The following MGAT4D variants were observed in gnomAD, a reference collection of about 807,000 sequenced individuals.
MGAT4D encodes MGAT4 family member D, also known as alpha-1,3-mannosyl-glycoprotein 4-beta-N-acetylglucosaminyltransferase-like protein MGAT4D.
In MGAT4D, 34 loss-of-function variants were observed where a neutral mutation model predicts 15.9. The observed-to-expected ratio is 2.14, with a 90% CI of 1.62 to 2.84. MGAT4D has a LOEUF of 2.84. Among genes scored for constraint, MGAT4D ranks in the 30% most tolerant of loss-of-function variants. The pLI, the probability that MGAT4D is intolerant of heterozygous loss-of-function variation, is 0.00. For missense variants in MGAT4D, 327 were observed against 140.2 expected (o/e 2.33, Z -6.73); for synonymous variants, 112 against 48.2 (o/e 2.33, Z -5.49).
intron 9 of MGAT4D, among the ~76,000 whole-genome samples, chr4:140,455,261 T>C (rs1031772680): frequency 6.6e-6 from 1 of 152,190 alleles, no homozygotes; most frequent in Non-Finnish European, 1.5e-5. Flanking sequence ...TCCAGAAGCG[T>C]TGTAACACTG....
At chr4:140,464,365 C>T (rs1175152395) in intron 6 of MGAT4D, among the ~76,000 whole-genome samples, 1 of 152,072 alleles carries the variant, frequency 6.6e-6, no homozygotes, top group East Asian at 1.9e-4. Context: ...AAGATTCTTT[C>T]ACAAATGTAT....
intron 2 of MGAT4D, among the ~76,000 whole-genome samples, chr4:140,480,888 A>G (rs1327857304): frequency 1.3e-5 from 2 of 149,960 alleles, no homozygotes; most frequent in Non-Finnish European, 3.0e-5. Flanking sequence ...GTGAGCCATG[A>G]TTGTGCCATT....
intron 7 of MGAT4D, 122 bp downstream of exon 7, chr4:140,461,807 G>T (rs1216275897): frequency 6.9e-6 from 3 of 431,878 alleles, no homozygotes; most frequent in Non-Finnish European, 1.2e-5. Flanking sequence ...TGAGGAAGAA[G>T]AAATTATAGG....
chr4:140,498,234 G>A lies in MGAT4D; in HGVS notation c.-12C>T, dbSNP rs1487086929. 1.0e-5 allele frequency: 7 copies of A among 701,690 alleles called. No individual in the cohort carries two copies. In the East Asian group the frequency reaches 1.6e-4, roughly 16 times the overall value. 43.5% of individuals were successfully genotyped at this position (701,690 alleles called of 1,614,324 possible). ...TGCTTGGTCCTCATGGCCCTGGCCAGGCTGCGGGAGGCCGGCGGGTGGAGG... is the reference window on the plus strand; with the variant it reads ...TGCTTGGTCCTCATGGCCCTGGCCAAGCTGCGGGAGGCCGGCGGGTGGAGG... On this transcript the variant is annotated 5_prime_UTR_variant, in exon 1 of 11. Transcript: ENST00000511113.
intron 9 of MGAT4D, among the ~76,000 whole-genome samples, chr4:140,453,389 A>G (rs1176692768): frequency 6.6e-6 from 1 of 152,102 alleles, no homozygotes; most frequent in Non-Finnish European, 1.5e-5. Context: ...ATCTATGATC[A>G]TGGTATGTCT....
intron 1 of MGAT4D, among the ~76,000 whole-genome samples, chr4:140,486,732 A>G (rs1477693575): frequency 6.6e-6 from 1 of 152,240 alleles, no homozygotes; most frequent in South Asian, 2.1e-4. Flanking sequence ...AAATAATGAA[A>G]TGAATGGACT....
chr4:140,446,423 C>A (rs1490500632), intron 10 of MGAT4D, among the ~76,000 whole-genome samples: 2 of 152,144 alleles, frequency 1.3e-5, no homozygotes, highest in Non-Finnish European at 2.9e-5. Flanking sequence ...AGGAATTTAT[C>A]CACTTCCTCT....
chr4:140,498,284 T>C lies in MGAT4D; in HGVS notation c.-62A>G. Reference sequence around the variant, plus strand: ...GCGGCGGATAATGCCAGGGACGGGGTTGAGCGCGCAGAGCCCCCTCCCCGC... The same window carrying C: ...GCGGCGGATAATGCCAGGGACGGGGCTGAGCGCGCAGAGCCCCCTCCCCGC... On this transcript the variant is annotated 5_prime_UTR_variant, in exon 1 of 11. Transcript: ENST00000511113. 3 of 691,282 alleles carry C rather than the reference T, an allele frequency of 4.3e-6. No individual in the cohort carries two copies. In the South Asian group the frequency reaches 4.5e-5, roughly 10 times the overall value. The allele number at this position is 691,282 out of a possible 1,614,324, so 42.8% of individuals were successfully genotyped here.
chr4:140,479,228 T>C (rs1477089770), intron 3 of MGAT4D, among the ~76,000 whole-genome samples: 1 of 152,238 alleles, frequency 6.6e-6, no homozygotes, highest in Non-Finnish European at 1.5e-5. Flanking sequence ...ATTTGGCATA[T>C]ACTTAATGTA....
chr4:140,495,714 GTTAAT>G (rs1222893672), intron 1 of MGAT4D, among the ~76,000 whole-genome samples: 5 of 152,106 alleles, frequency 3.3e-5, no homozygotes, highest in Non-Finnish European at 7.4e-5. Flanking sequence ...ATAAAATTTT[GTTAAT>G]TTAATTTAAT....
chr4:140,446,743 GTTTTTTTTTTTTTTTTTTT>G (rs149442061), intron 10 of MGAT4D, among the ~76,000 whole-genome samples: 110 of 8,170 alleles, frequency 0.013, 1 homozygote, highest in African/African-American at 0.046. Context: ...TGCTTCTCTA[GTTTTTTTTTTTTTTTTTTT>G]TTTTTTTTTT....
At chr4:140,456,992 A>C (rs1730852264) in intron 8 of MGAT4D, 1 of 179,510 alleles carries the variant, frequency 5.6e-6, no homozygotes, top group African/African-American at 2.3e-5. Context: ...TTGATTGTCT[A>C]AATCAAGTGA....
In MGAT4D at chr4:140,471,477, G is replaced by C. The variant is rs114702773; in HGVS notation, c.572+298C>G. 2.9e-3 allele frequency among the ~76,000 whole-genome samples: 440 copies of C among 152,154 alleles called. 2 individuals are homozygous for C. The highest frequency in any genetic ancestry group is 0.01 in the African/African-American group (416 of 41,508). ...GGTGAAGTAACTTCATACAGTAAAG[G>C]ATACAGGAATGTTTTAAAAATAACT... On this transcript the variant is annotated intron_variant, in intron 5 of 10. Coordinates refer to ENST00000511113, the MANE Select transcript of MGAT4D (RefSeq NM_001277353.2).
intron 1 of MGAT4D, among the ~76,000 whole-genome samples, chr4:140,488,698 T>C (rs1733306001): frequency 6.6e-6 from 1 of 152,168 alleles, no homozygotes; most frequent in African/African-American, 2.4e-5. Flanking sequence ...GTATGTGATA[T>C]AGTTTGAATA....
intron 6 of MGAT4D, chr4:140,462,616 CTT>C (rs1731266601): frequency 6.6e-6 from 1 of 152,194 alleles, no homozygotes; most frequent in East Asian, 1.9e-4. Flanking sequence ...CACAAAGTGA[CTT>C]TATGTTTGGC....
chr4:140,445,882 G>T (rs1005210216), intron 10 of MGAT4D, among the ~76,000 whole-genome samples: 13 of 152,142 alleles, frequency 8.5e-5, no homozygotes, highest in African/African-American at 3.1e-4. Context: ...TTGTTCCATT[G>T]GTTTATGTGT....
chr4:140,448,266 G>A (rs369037816), intron 10 of MGAT4D, among the ~76,000 whole-genome samples: 12 of 152,152 alleles, frequency 7.9e-5, no homozygotes, highest in African/African-American at 2.9e-4. Flanking sequence ...GGGTGGAGAA[G>A]CTTTCATGGA....
At chr4:140,484,983 G>A (rs1733004351) in intron 1 of MGAT4D, among the ~76,000 whole-genome samples, 1 of 152,194 alleles carries the variant, frequency 6.6e-6, no homozygotes, top group Admixed American at 6.5e-5. Flanking sequence ...CATTGTGGAA[G>A]TCAGTGTGGC....
Position 140,471,832 on chromosome 4 carries a change from GA to G in MGAT4D, c.526-12del. 2.1e-6 allele frequency: 1 copy of G among 465,484 alleles called. No individual in the cohort carries two copies. Among genetic ancestry groups the G allele is most frequent in the Non-Finnish European group, 3.9e-6 (1 of 256,912 alleles). 28.8% of individuals were successfully genotyped at this position (465,484 alleles called of 1,614,324 possible). A position where few individuals can be genotyped will look rare whatever the true frequency, so the allele number is the denominator to read the frequency against. ...ATAATCTTCATTACTCTAAAAATGAGAAAAATATTTTACTGAAACTAAGCAT... is the reference window on the plus strand; with the variant it reads ...ATAATCTTCATTACTCTAAAAATGAGAAAATATTTTACTGAAACTAAGCAT... On this transcript the variant is annotated splice_polypyrimidine_tract_variant and intron_variant, in intron 4 of 10. Transcript: ENST00000511113.
Sources: gnomAD v4.1 joint callset for allele counts (sites outside exome capture counted in the v4.1 genomes callset) on GRCh38, gnomAD v4.1.1 for gene constraint, MANE v1.5 for transcripts, NCBI Gene and HGNC (gene_info 2026-07-23, HGNC 2026-07-21) for gene names.